EVC2: variants seen among roughly 807,000 people sequenced by gnomAD.
EVC2 encodes the protein EvC ciliary complex subunit 2.
EVC2 carries 148 observed loss-of-function variants against 149.3 expected under a neutral mutation model. The ratio of observed to expected loss-of-function variants is 0.99; its 90% CI spans 0.87 to 1.14. The LOEUF (loss-of-function observed/expected upper bound fraction) is 1.14, where lower values mean the gene tolerates loss of function less well. EVC2 is among the 50% of genes most tolerant of loss of function. The probability of loss-of-function intolerance (pLI) is 0.00; values close to 1 mark genes in which losing one functional copy is unlikely to be tolerated. For missense variants in EVC2, 1,854 were observed against 1,627.3 expected, an observed-to-expected ratio of 1.14 and a Z score of -2.40; for synonymous variants, 776 against 649.9, an observed-to-expected ratio of 1.19 and a Z score of -2.95.
chr4:5,580,092 T>A (rs1711623932), intron 17 of EVC2, among the ~76,000 whole-genome samples: 1 of 152,220 alleles, frequency 6.6e-6, no homozygotes, highest in South Asian at 2.1e-4. Flanking sequence ...CTTGATATAG[T>A]TTTCTTAGGA....
intron 13 of EVC2, 70 bp from the exon 14 acceptor site, chr4:5,623,061 T>G (rs993168281): frequency 2.8e-6 from 4 of 1,411,564 alleles, no homozygotes; most frequent in African/African-American, 1.4e-5. Context: ...CTGAAACACT[T>G]TGTTGCAGGA....
At chr4:5,665,172 T>C (rs1309086768) in intron 8 of EVC2, among the ~76,000 whole-genome samples, 1 of 151,952 alleles carries the variant, frequency 6.6e-6, no homozygotes, top group Non-Finnish European at 1.5e-5. Flanking sequence ...AAACCAGGCA[T>C]GTTGGTGTGT....
chr4:5,665,724 T>C, intron 7 of EVC2, 75 bp from the exon 8 acceptor site: 2 of 1,582,858 alleles, frequency 1.3e-6, no homozygotes, highest in Non-Finnish European at 8.6e-7. Context: ...GATGATTGAG[T>C]GTCAGAGCAG....
In EVC2 at chr4:5,569,549, T is replaced by G. The variant is rs1039781438; in HGVS notation, c.3361-909A>C. Among the ~76,000 whole-genome samples the G allele has an allele frequency of 9.2e-5, 14 of 152,008 alleles. No individual in the cohort carries two copies. The highest frequency in any genetic ancestry group is 3.4e-4 in the African/African-American group (14 of 41,386). ...GCTCACATCTGTAATCCCAGCACTT[T>G]GGACAGCTGGAGAGGAAAAGAGGCC... On this transcript the variant is annotated intron_variant, in intron 19 of 21. Transcript: ENST00000344408. The surrounding 1 kb of genome is among the most constrained non-coding windows in gnomAD (Gnocchi z 4.8).
Position 5,567,424 on chromosome 4 carries a change from T to TCATGA in EVC2, c.3557+1015_3557+1019dup, listed in dbSNP as rs1722352755. Among the ~76,000 whole-genome samples, 1 of 152,156 alleles carries TCATGA rather than the reference T, an allele frequency of 6.6e-6. No individual in the cohort carries two copies. Among genetic ancestry groups the TCATGA allele is most frequent in the African/African-American group, 2.4e-5 (1 of 41,430 alleles). Reference sequence around the variant, plus strand: ...CTCAGGACAAATGCTATCTACACAGTCATGATGGTTCAGCAGGCTCTCGGG... The same window carrying TCATGA: ...CTCAGGACAAATGCTATCTACACAGTCATGACATGATGGTTCAGCAGGCTCTCGGG... On this transcript the variant is annotated intron_variant, in intron 20 of 21. Coordinates refer to ENST00000344408, the MANE Select transcript of EVC2 (RefSeq NM_147127.5). This position sits in a 1 kb window ranked among gnomAD's most constrained non-coding sequence, Gnocchi z 4.4.
At chr4:5,559,133 T>C (rs558725191), downstream of EVC2, among the ~76,000 whole-genome samples, 3 of 151,996 alleles carry the variant, frequency 2.0e-5, no homozygotes, top group Non-Finnish European at 2.9e-5. The surrounding 1 kb of genome is among the most constrained non-coding windows in gnomAD (Gnocchi z 5.0). Context: ...TCACTTAACT[T>C]GGAAAGTCAA....
intron 9 of EVC2, among the ~76,000 whole-genome samples, chr4:5,647,694 T>C (rs912104639): frequency 1.3e-5 from 2 of 152,200 alleles, no homozygotes; most frequent in Non-Finnish European, 1.5e-5. Context: ...AAACGAAGCC[T>C]TATGTGGCAG....
chr4:5,547,987 G>A (rs2108757973), intron 21 of EVC2, among the ~76,000 whole-genome samples: 1 of 152,262 alleles, frequency 6.6e-6, no homozygotes, highest in Admixed American at 6.5e-5. Context: ...TACCTGTGGT[G>A]CACCTGGTCT....
intron 12 of EVC2, among the ~76,000 whole-genome samples, 171 bp downstream of exon 12, chr4:5,628,388 T>C (rs373784658): frequency 1.3e-5 from 2 of 152,290 alleles, no homozygotes; most frequent in South Asian, 2.1e-4. Context: ...CCTTCCACCA[T>C]GTTATGATGA....
chr4:5,627,405 G>A (rs1016084130), intron 12 of EVC2, among the ~76,000 whole-genome samples: 3 of 152,152 alleles, frequency 2.0e-5, no homozygotes, highest in African/African-American at 7.2e-5. Flanking sequence ...TCAGGAATGC[G>A]AAGTAAATTG....
At position 5,622,506 on chromosome 4, in the gene EVC2, A is replaced by T; in HGVS notation, c.2501+31T>A. 6.2e-7 allele frequency: 1 copy of T among 1,606,926 alleles called. No individual in the cohort carries two copies. ...TCTCCCTGGCATCAACGGGATGGGG[A>T]GGGGTGATTACGACCCGCAAAGGCA... On this transcript the variant is annotated intron_variant, in intron 14 of 21. Transcript: ENST00000344408. This position sits in a 1 kb window ranked among gnomAD's most constrained non-coding sequence, Gnocchi z 5.8.
intron 7 of EVC2, among the ~76,000 whole-genome samples, chr4:5,668,223 T>C (rs552029770): frequency 6.6e-6 from 1 of 152,328 alleles, no homozygotes; most frequent in South Asian, 2.1e-4. Context: ...AGGTTACATT[T>C]TTTCTGACAG....
chr4:5,553,316 G>C (rs1219392577), intron 21 of EVC2, among the ~76,000 whole-genome samples: 1 of 152,154 alleles, frequency 6.6e-6, no homozygotes, highest in Non-Finnish European at 1.5e-5. Flanking sequence ...CAGTACCAAA[G>C]GGGATGGTGC....
At chr4:5,616,184 T>TCCC (rs1349582157) in intron 15 of EVC2, among the ~76,000 whole-genome samples, 30 of 152,056 alleles carry the variant, frequency 2.0e-4, no homozygotes, top group Admixed American at 1.5e-3. Flanking sequence ...AAGTCAGGAT[T>TCCC]CCCCTCCCCA....
At chr4:5,540,664 C>G (rs181399066), downstream of EVC2, among the ~76,000 whole-genome samples, 16 of 152,132 alleles carry the variant, frequency 1.1e-4, no homozygotes, top group African/African-American at 3.9e-4. Flanking sequence ...CAAGGGGGTG[C>G]CCTAGAGGGA....
chr4:5,562,363 A>G (rs180790852), downstream of EVC2: 1 of 845,432 alleles, frequency 1.2e-6, no homozygotes, highest in Admixed American at 5.2e-5. The surrounding 1 kb of genome is among the most constrained non-coding windows in gnomAD (Gnocchi z 4.3). Context: ...AACACCACAC[A>G]GGGAACAAAA....
intron 4 of EVC2, among the ~76,000 whole-genome samples, chr4:5,689,638 C>T (rs1292712752): frequency 6.6e-6 from 1 of 152,200 alleles, no homozygotes; most frequent in African/African-American, 2.4e-5. Flanking sequence ...AGTGCAGAAC[C>T]AGTCAGGTTG....
chr4:5,532,887 G>A, the EVC2 span, among the ~76,000 whole-genome samples: 1 of 151,596 alleles, frequency 6.6e-6, no homozygotes, highest in African/African-American at 2.4e-5. Context: ...GCAGTGTGCT[G>A]GACTCTAATG....
chr4:5,653,383 C>T (rs1718279641), intron 9 of EVC2, among the ~76,000 whole-genome samples: 1 of 152,186 alleles, frequency 6.6e-6, no homozygotes. Flanking sequence ...ATTAGGCGTA[C>T]CAGAGACTAT....
Sources: gnomAD v4.1 joint callset for allele counts (sites outside exome capture counted in the v4.1 genomes callset) on GRCh38, gnomAD v4.1.1 for gene constraint, Gnocchi (gnomAD v3.1) non-coding constraint, MANE v1.5 for transcripts, NCBI Gene and HGNC (gene_info 2026-07-23, HGNC 2026-07-21) for gene names.